Variants in CDH13 observed in about 807,000 individuals in gnomAD.
CDH13 encodes cadherin 13.
Under a neutral mutation model 63.8 loss-of-function variants are expected in CDH13, and 24 were observed. The ratio of observed to expected loss-of-function variants is 0.38; its 90% CI spans 0.27 to 0.53. The LOEUF (loss-of-function observed/expected upper bound fraction) is 0.53, where lower values mean the gene tolerates loss of function less well. Among genes scored for constraint, CDH13 ranks in the 20% least tolerant of loss-of-function variants. CDH13 has a pLI of 0.85. For missense variants in CDH13, 1,049 were observed against 903.1 expected (o/e 1.16, Z -2.07); for synonymous variants, 503 against 355.3 (o/e 1.42, Z -4.67).
chr16:83,088,124 A>G (rs559822026), intron 3 of CDH13, among the ~76,000 whole-genome samples: 2 of 152,356 alleles, frequency 1.3e-5, no homozygotes, highest in Admixed American at 6.5e-5. Flanking sequence ...TGTTCTGACT[A>G]TCTTAATTCA....
Position 82,704,156 on chromosome 16 carries a change from G to A in CDH13, c.45+77019G>A, listed in dbSNP as rs371369292. ...AAGCCACAGACAAATAAAGAAAGAG[G>A]TGGGGGTGGGCATGGGGGGTTGTAG... On this transcript the variant is annotated intron_variant, in intron 1 of 13. Coordinates refer to ENST00000567109, the MANE Select transcript of CDH13 (RefSeq NM_001257.5). 4.6e-5 allele frequency among the ~76,000 whole-genome samples: 7 copies of A among 152,250 alleles called. No individual in the cohort carries two copies. In the East Asian group the frequency reaches 1.4e-3, roughly 29 times the overall value.
chr16:83,498,691 C>G (rs1273344790), intron 7 of CDH13, among the ~76,000 whole-genome samples: 1 of 152,160 alleles, frequency 6.6e-6, no homozygotes, highest in African/African-American at 2.4e-5. Flanking sequence ...CATTTTTTCT[C>G]CCACTATACA....
Position 83,019,186 on chromosome 16 carries a change from T to A in CDH13, c.158-12824T>A, listed in dbSNP as rs903334537. Among the ~76,000 whole-genome samples, 8 of 152,352 alleles carry A rather than the reference T, an allele frequency of 5.3e-5. No homozygotes were observed. In the East Asian group the frequency reaches 1.5e-3, roughly 29 times the overall value. Reference sequence around the variant, plus strand: ...ACACTTAGCTTACAACACAAACACATTGTACAGCTATAGAAAATATTTTCT... The same window carrying A: ...ACACTTAGCTTACAACACAAACACAATGTACAGCTATAGAAAATATTTTCT... On this transcript the variant is annotated intron_variant, in intron 2 of 13. Coordinates refer to ENST00000567109, the MANE Select transcript of CDH13 (RefSeq NM_001257.5).
chr16:82,973,988 T>C (rs527743347), intron 2 of CDH13, among the ~76,000 whole-genome samples: 1 of 152,260 alleles, frequency 6.6e-6, no homozygotes, highest in African/African-American at 2.4e-5. Context: ...AGTGGTGTGA[T>C]AGCTCACTGC....
rs1442106431 is a variant in CDH13, at chr16:82,644,218, A to G, written c.45+17081A>G. Among the ~76,000 whole-genome samples the G allele has an allele frequency of 6.6e-6, 1 of 152,200 alleles. No individual in the cohort carries two copies. Among genetic ancestry groups the G allele is most frequent in the Admixed American group, 6.5e-5 (1 of 15,286 alleles). On this transcript the variant is annotated intron_variant, in intron 1 of 13. Transcript: ENST00000567109. This position sits in a 1 kb window ranked among gnomAD's most constrained non-coding sequence, Gnocchi z 5.7. ...TTGGCTGGTGCGGCTGAAGAATTCA[A>G]TAGCCTAGTAATGAGAAGTCAATCT...
At chr16:83,354,501 G>A (rs967669901) in intron 6 of CDH13, among the ~76,000 whole-genome samples, 1 of 152,188 alleles carries the variant, frequency 6.6e-6, no homozygotes, top group African/African-American at 2.4e-5. Context: ...ACCTTCCTGG[G>A]AGGAGAAAGG....
At chr16:82,686,731 G>C (rs1597322777) in intron 1 of CDH13, among the ~76,000 whole-genome samples, 1 of 152,308 alleles carries the variant, frequency 6.6e-6, no homozygotes, top group South Asian at 2.1e-4. Context: ...AATGTTGCTT[G>C]ATGCACAGGG....
chr16:83,498,825 C>T (rs4284622), intron 7 of CDH13, among the ~76,000 whole-genome samples: 1 of 152,224 alleles, frequency 6.6e-6, no homozygotes, highest in South Asian at 2.1e-4. Context: ...TCTCATCAGG[C>T]CATAGGCTTC....
At chr16:83,739,661 T>A (rs180731522) in intron 10 of CDH13, among the ~76,000 whole-genome samples, 202 of 152,272 alleles carry the variant, frequency 1.3e-3, no homozygotes, top group Non-Finnish European at 1.9e-3. Context: ...GGAGTTTGGC[T>A]GGGACAAGAG....
chr16:82,966,621 C>T (rs1267968545), intron 2 of CDH13, among the ~76,000 whole-genome samples: 3 of 152,056 alleles, frequency 2.0e-5, no homozygotes, highest in African/African-American at 4.8e-5. Context: ...TTATTTTTAA[C>T]CTTTTATTTT....
At chr16:83,421,546 G>A (rs1472734198) in intron 6 of CDH13, among the ~76,000 whole-genome samples, 47 of 152,338 alleles carry the variant, frequency 3.1e-4, no homozygotes, top group Non-Finnish European at 2.6e-4. Flanking sequence ...AATGAAATGA[G>A]ATGAGAGTGG....
At position 82,858,353 on chromosome 16, in the gene CDH13, T is replaced by C; in HGVS notation, c.46-9T>C. 1.3e-6 allele frequency: 2 copies of C among 1,598,042 alleles called. No homozygotes were observed. The highest frequency in any genetic ancestry group is 1.7e-6 in the Non-Finnish European group (2 of 1,165,792). On this transcript the variant is annotated splice_polypyrimidine_tract_variant and intron_variant, in intron 1 of 13. Transcript: ENST00000567109. The stretch of plus-strand genomic sequence containing the variant: ...GCTATTAAAATATTGATGGCTTTGG[T>C]TTTCTCAGGTGCTGCTGCTAACATC...
At chr16:83,157,477 C>A (rs7194491) in intron 4 of CDH13, among the ~76,000 whole-genome samples, 30,006 of 152,068 alleles carry the variant, frequency 0.2, 2,995 homozygotes, top group South Asian at 0.31. Context: ...TTTTAATTGC[C>A]TTTTAAAGTC....
intron 6 of CDH13, among the ~76,000 whole-genome samples, chr16:83,376,764 C>G (rs1317943658): frequency 1.3e-5 from 2 of 152,058 alleles, no homozygotes; most frequent in Admixed American, 1.3e-4. Context: ...ATCTTGTCCC[C>G]TCCCCTTGAT....
At chr16:83,250,125 A>G (rs540172713) in intron 5 of CDH13, among the ~76,000 whole-genome samples, 1 of 152,304 alleles carries the variant, frequency 6.6e-6, no homozygotes, top group South Asian at 2.1e-4. Flanking sequence ...GTAATTGTGA[A>G]TTATTGCTAT....
chr16:83,489,675 C>T (rs1482569750), intron 7 of CDH13, among the ~76,000 whole-genome samples: 2 of 152,120 alleles, frequency 1.3e-5, no homozygotes, highest in African/African-American at 4.8e-5. Flanking sequence ...GTAGGATTCA[C>T]ATGGATGCGA....
chr16:83,122,040 A>G (rs1253300305), intron 3 of CDH13, among the ~76,000 whole-genome samples: 3 of 152,124 alleles, frequency 2.0e-5, no homozygotes. Context: ...ACTATCATTT[A>G]TCACATGATT....
intron 2 of CDH13, among the ~76,000 whole-genome samples, chr16:83,000,790 A>G (rs1463477852): frequency 1.3e-5 from 2 of 151,962 alleles, no homozygotes; most frequent in South Asian, 4.2e-4. Context: ...CGTGTTAGCC[A>G]AGATGATCTC....
rs113249488 is a variant in CDH13, at chr16:83,608,006, G to T, written c.1101+5412G>T. 9.7e-4 allele frequency among the ~76,000 whole-genome samples: 148 copies of T among 152,112 alleles called. 1 individual carries two copies. The highest frequency in any genetic ancestry group is 2.3e-3 in the South Asian group (11 of 4,818). On this transcript the variant is annotated intron_variant, in intron 8 of 13. Transcript: ENST00000567109. ...AGTCATATTTTCACATAAATCTCAG[G>T]TCATGGGGATTAATAAACTCGCTAT...
Sources: allele counts gnomAD v4.1 joint callset (sites outside exome capture counted in the v4.1 genomes callset), GRCh38; gene constraint gnomAD v4.1.1; non-coding constraint Gnocchi (gnomAD v3.1); transcripts MANE v1.5; gene names NCBI Gene and HGNC (gene_info 2026-07-23, HGNC 2026-07-21).